Variants in LSP1 observed in about 807,000 individuals in gnomAD.
LSP1 encodes lymphocyte specific protein 1, also known as lymphocyte-specific protein 1.
In LSP1, 32 loss-of-function variants were observed where a neutral mutation model predicts 49.3. That is an observed-to-expected ratio of 0.65 (90% CI 0.49 to 0.87). The LOEUF (loss-of-function observed/expected upper bound fraction) is 0.87. Among genes scored for constraint, LSP1 ranks in the 40% least tolerant of loss-of-function variants. The probability of loss-of-function intolerance (pLI) is 0.00; values close to 1 mark genes in which losing one functional copy is unlikely to be tolerated. For synonymous variants in LSP1, 179 were observed against 178.8 expected (o/e 1.00, Z -0.01); for missense variants, 428 against 442.6 (o/e 0.97, Z 0.30).
intron 1 of LSP1, chr11:1,866,870 T>C: frequency 6.5e-7 from 1 of 1,540,298 alleles, no homozygotes; most frequent in Non-Finnish European, 8.7e-7. Context: ...GGCTCGGCCA[T>C]GAGCATCCGT....
At chr11:1,866,642 T>G in intron 1 of LSP1, 1 of 1,549,958 alleles carries the variant, frequency 6.5e-7, no homozygotes, top group Non-Finnish European at 8.7e-7. Context: ...GCTCTGCTGG[T>G]CAGACCTCCC....
At position 1,853,994 on chromosome 11, in the gene LSP1, G is replaced by A. The variant is rs137926674; in HGVS notation, c.53+797G>A. Among the ~76,000 whole-genome samples the A allele has an allele frequency of 8.6e-3, 1,306 of 152,302 alleles. 21 individuals carry two copies. Among genetic ancestry groups the A allele is most frequent in the African/African-American group, 0.03 (1,260 of 41,546 alleles). On this transcript the variant is annotated intron_variant, in intron 1 of 10. Transcript: ENST00000311604. ...GGCTCCCTGGCAGAGGGGAGCTGCC[G>A]GCCAGCAGGCATCCAGGCATCACAG...
rs138247091 is a variant in LSP1, at chr11:1,886,856, C to T, written c.842C>T (p.Pro281Leu). ...EVQAQSAAKT[P>L]SCKDIVAGDM... is the part of the protein sequence containing the mutation. ...CAGGCTCAGTCTGCGGCCAAGACTC[C>T]GTCCTGCAAGGTAAGGTCCCCTCCA... Residue 281 changes from proline to leucine, a missense_variant, in exon 8 of 11, where the codon CCG becomes CTG. Physicochemically the swap from Pro to Leu is moderately conservative, Grantham distance 98 (BLOSUM62 -3). Coordinates refer to ENST00000311604, the MANE Select transcript of LSP1 (RefSeq NM_002339.3). 2,900 of 1,611,348 alleles carry T rather than the reference C, an allele frequency of 1.8e-3. 1 individual carries two copies. The highest frequency in any genetic ancestry group is 2.2e-3 in the Non-Finnish European group (2,638 of 1,179,582).
At chr11:1,870,096 G>T in intron 1 of LSP1, 1 of 467,034 alleles carries the variant, frequency 2.1e-6, no homozygotes, top group Middle Eastern at 4.7e-4. Flanking sequence ...GGACGGAGGC[G>T]CTGGCTGCAC....
At chr11:1,881,630 G>T in intron 3 of LSP1, 34 bp downstream of exon 3, 1 of 1,429,126 alleles carries the variant, frequency 7.0e-7, no homozygotes, top group Admixed American at 2.7e-5. Context: ...GCGCTGGGCA[G>T]AGCAGGGCTC....
intron 1 of LSP1, among the ~76,000 whole-genome samples, chr11:1,879,866 C>T (rs1400604605): frequency 6.6e-6 from 1 of 152,186 alleles, no homozygotes; most frequent in Non-Finnish European, 1.5e-5. Flanking sequence ...TCACAGGGCC[C>T]CAGGACCCTC....
intron 1 of LSP1, among the ~76,000 whole-genome samples, chr11:1,877,846 C>T (rs1324775441): frequency 6.6e-6 from 1 of 151,842 alleles, no homozygotes; most frequent in East Asian, 2.0e-4. Context: ...CGCCCGGCCG[C>T]ACTCCATGTG....
intron 1 of LSP1, among the ~76,000 whole-genome samples, chr11:1,872,921 A>G (rs1201769081): frequency 5.3e-5 from 8 of 151,752 alleles, no homozygotes; most frequent in African/African-American, 1.5e-4. Flanking sequence ...GGCTTCAGCA[A>G]TGGAGGAGGC....
intron 1 of LSP1, among the ~76,000 whole-genome samples, chr11:1,872,122 G>T: frequency 6.9e-6 from 1 of 145,358 alleles, no homozygotes; most frequent in African/African-American, 2.6e-5. Context: ...GGGGGTGTGT[G>T]TGGCGGGCAG....
At chr11:1,878,381 C>G (rs907665672) in intron 1 of LSP1, among the ~76,000 whole-genome samples, 3 of 152,176 alleles carry the variant, frequency 2.0e-5, no homozygotes, top group Non-Finnish European at 4.4e-5. Context: ...CTCATCTGCC[C>G]GGATGATGGG....
In LSP1 at chr11:1,880,105, C is replaced by G. The variant is rs368052660; in HGVS notation, c.72C>G (p.Ser24Arg). ...CCACTAGGCCCACTGCTCAGTGGAG[C>G]GTGGAGGACGAGGAGGAGGCCGTCC... ...EELLGPTAQW[S>R]VEDEEEAVHE... The change falls in exon 2 of 11, where the codon AGC becomes AGG. Residue 24 changes from serine (S) to arginine (R), a missense_variant. By Grantham distance (110) the Ser-to-Arg change is moderately radical. Coordinates refer to ENST00000311604, the MANE Select transcript of LSP1 (RefSeq NM_002339.3). 6.2e-7 allele frequency: 1 copy of G among 1,609,352 alleles called. No homozygotes were observed. The highest frequency in any genetic ancestry group is 8.5e-7 in the Non-Finnish European group (1 of 1,177,638).
rs1346100411 is a variant in LSP1, at chr11:1,884,049, A to T, written c.591+25A>T. The T allele has an allele frequency of 6.3e-7, 1 of 1,596,166 alleles. No homozygotes were observed. Among genetic ancestry groups the T allele is most frequent in the Non-Finnish European group, 8.5e-7 (1 of 1,170,912 alleles). On this transcript the variant is annotated intron_variant, in intron 5 of 10. Transcript: ENST00000311604. The surrounding 1 kb of genome is among the most constrained non-coding windows in gnomAD (Gnocchi z 4.1). Reference sequence around the variant, plus strand: ...AGTAAGTTAAGCTGCAAAGCCTGCCATCTTCTCCCCTCTCCCGTACTCATA... The same window carrying T: ...AGTAAGTTAAGCTGCAAAGCCTGCCTTCTTCTCCCCTCTCCCGTACTCATA...
intron 1 of LSP1, among the ~76,000 whole-genome samples, chr11:1,874,215 A>C (rs1386722735): frequency 3.2e-5 from 2 of 62,980 alleles, no homozygotes; most frequent in Admixed American, 1.6e-4. Flanking sequence ...CAGTGGGGGC[A>C]GTGTTGGGGA....
chr11:1,855,812 G>T (rs1263342242), intron 1 of LSP1, among the ~76,000 whole-genome samples: 1 of 152,218 alleles, frequency 6.6e-6, no homozygotes, highest in Non-Finnish European at 1.5e-5. Flanking sequence ...ACTCTCTGGT[G>T]ACGCTGGGGG....
intron 2 of LSP1, 101 bp from the exon 3 acceptor site, chr11:1,881,331 C>T: frequency 8.4e-7 from 1 of 1,195,886 alleles, no homozygotes; most frequent in African/African-American, 1.6e-5. Context: ...GTCTCCCACA[C>T]TTGGAGTCCA....
At chr11:1,867,724 T>G (rs549674809) in intron 1 of LSP1, among the ~76,000 whole-genome samples, 2 of 152,158 alleles carry the variant, frequency 1.3e-5, no homozygotes, top group Non-Finnish European at 2.9e-5. Flanking sequence ...TGAAGGGCCA[T>G]GCTAGGTGCC....
At chr11:1,862,734 CT>C (rs1182164766) in intron 1 of LSP1, among the ~76,000 whole-genome samples, 5 of 152,024 alleles carry the variant, frequency 3.3e-5, no homozygotes, top group Admixed American at 3.3e-4. Context: ...CTCACCTCCC[CT>C]GGGTGACCTT....
chr11:1,863,291 A>AC (rs1847690029), intron 1 of LSP1: 1 of 152,194 alleles, frequency 6.6e-6, no homozygotes, highest in South Asian at 2.1e-4. Context: ...GTGCTGCGCA[A>AC]CCCCAACTCC....
chr11:1,887,381 C>T lies in LSP1; in HGVS notation c.930+67C>T, dbSNP rs568712618. ...CAGGGGAGGGCAAAGAGGGACTGTC[C>T]TCTGTGCATCTGGGAGGGCTTCCCA... On this transcript the variant is annotated intron_variant, in intron 9 of 10. Coordinates refer to ENST00000311604, the MANE Select transcript of LSP1 (RefSeq NM_002339.3). The T allele has an allele frequency of 1.6e-5, 25 of 1,580,450 alleles. No individual in the cohort carries two copies. The Admixed American group carries it at 2.7e-4, about 17-fold the overall frequency.
Sources: gnomAD v4.1 joint callset for allele counts (sites outside exome capture counted in the v4.1 genomes callset) on GRCh38, gnomAD v4.1.1 for gene constraint, Gnocchi (gnomAD v3.1) non-coding constraint, MANE v1.5 for transcripts, NCBI Gene and HGNC (gene_info 2026-07-23, HGNC 2026-07-21) for gene names.